BYSL: variants seen among roughly 807,000 people sequenced by gnomAD.
BYSL encodes bystin.
Under a neutral mutation model 45.4 loss-of-function variants are expected in BYSL, and 21 were observed. The ratio of observed to expected loss-of-function variants is 0.46; its 90% confidence interval spans 0.33 to 0.67. BYSL has a LOEUF of 0.67. Ranked by LOEUF, BYSL falls within the 30% of genes least tolerant of loss-of-function variation. The pLI, the probability that BYSL is intolerant of heterozygous loss-of-function variation, is 0.02. For synonymous variants in BYSL, 215 were observed against 231.3 expected (o/e 0.93, Z 0.64); for missense variants, 522 against 578.5 (o/e 0.90, Z 1.00).
chr6:41,921,587 G>C lies in BYSL; in HGVS notation c.25G>C (p.Gly9Arg), dbSNP rs768138610. Reference protein sequence around the residue: MPKFKAARGVGGQEKHAPL... With the variant: MPKFKAARRVGGQEKHAPL... ...AATGCCCAAATTCAAGGCGGCCCGT[G>C]GGGTGGGGGGTCAGGAAAAACATGC... Residue 9 changes from glycine (G) to arginine (R), a missense_variant, in exon 1 of 7, where the codon GGG becomes CGG. Physicochemically the swap from Gly to Arg is moderately radical, Grantham distance 125. Transcript: ENST00000230340. The C allele has an allele frequency of 1.8e-5, 29 of 1,585,426 alleles. No homozygotes were observed. The highest frequency in any genetic ancestry group is 2.3e-5 in the Non-Finnish European group (27 of 1,164,646).
chr6:41,925,513 G>A (rs1399093417), intron 1 of BYSL, among the ~76,000 whole-genome samples: 1 of 151,214 alleles, frequency 6.6e-6, no homozygotes, highest in African/African-American at 2.4e-5. Flanking sequence ...ACAGGCGCCC[G>A]CCACCACACC....
intron 2 of BYSL, among the ~76,000 whole-genome samples, chr6:41,929,826 C>G (rs1310554036): frequency 6.6e-6 from 1 of 152,164 alleles, no homozygotes; most frequent in Non-Finnish European, 1.5e-5. Flanking sequence ...CAAGATCATA[C>G]CAGGGAGTGG....
rs1775473087 is a variant in BYSL at position 41,921,566 on chromosome 6, C to T, written c.4C>T (p.Pro2Ser). 18 of 1,565,048 alleles carry T rather than the reference C, an allele frequency of 1.2e-5. No homozygotes were observed. The highest frequency in any genetic ancestry group is 2.7e-5 in the African/African-American group (2 of 73,328). M[P>S]KFKAARGVGG... ...CCCGGCAACTTTTTCGAGAAAAATGCCCAAATTCAAGGCGGCCCGTGGGGT... is the reference window on the plus strand; with the variant it reads ...CCCGGCAACTTTTTCGAGAAAAATGTCCAAATTCAAGGCGGCCCGTGGGGT... The change falls in exon 1 of 7, where the codon CCC becomes TCC. Residue 2 changes from proline to serine, a missense_variant. Physicochemically the swap from Pro to Ser is moderately conservative, Grantham distance 74. Transcript: ENST00000230340.
the BYSL span, among the ~76,000 whole-genome samples, chr6:41,914,071 T>A: frequency 6.6e-6 from 1 of 152,134 alleles, no homozygotes; most frequent in Non-Finnish European, 1.5e-5. Flanking sequence ...AAGAAATGTA[T>A]ACAGGGAACA....
chr6:41,930,825 A>G, intron 4 of BYSL, 57 bp downstream of exon 4: 2 of 1,565,076 alleles, frequency 1.3e-6, no homozygotes, highest in East Asian at 2.3e-5. Context: ...TGAGTTTGGG[A>G]CGGACAGGCT....
At chr6:41,924,366 C>G (rs993313232) in intron 1 of BYSL, among the ~76,000 whole-genome samples, 2 of 152,172 alleles carry the variant, frequency 1.3e-5, no homozygotes, top group Admixed American at 1.3e-4. Flanking sequence ...CCACTGCACC[C>G]AGCCCATAGT....
the BYSL span, among the ~76,000 whole-genome samples, chr6:41,914,305 G>C: frequency 6.6e-6 from 1 of 152,200 alleles, no homozygotes; most frequent in Non-Finnish European, 1.5e-5. Context: ...GGAACACTGT[G>C]GGCTTCCTTT....
the BYSL span, among the ~76,000 whole-genome samples, chr6:41,910,645 GAAAA>G: frequency 7.0e-6 from 1 of 142,920 alleles, no homozygotes; most frequent in Non-Finnish European, 1.6e-5. Context: ...AAAAAAAAAA[GAAAA>G]AAAAAGGTAA....
chr6:41,930,094 C>A (rs769752113), intron 2 of BYSL, 38 bp from the exon 3 acceptor site: 9 of 1,611,920 alleles, frequency 5.6e-6, no homozygotes, highest in African/African-American at 1.3e-5. Context: ...GTGCTCCTTG[C>A]CCCCTCTCTC....
In BYSL at chr6:41,932,271, A is replaced by AG; in HGVS notation, c.969-89dup. The AG allele has an allele frequency of 7.8e-7, 1 of 1,289,044 alleles. No homozygotes were observed. The highest frequency in any genetic ancestry group is 1.1e-6 in the Non-Finnish European group (1 of 920,502). 79.9% of individuals were successfully genotyped at this position (1,289,044 alleles called of 1,614,324 possible). ...ATAGTGTAAGGGCCAGCAGAGGGGA[A>AG]GAAAAAAAGGGGAAAGCATAGAGGG... is the stretch of plus-strand genomic sequence containing the variant. On this transcript the variant is annotated intron_variant, in intron 6 of 6. Transcript: ENST00000230340. This position sits in a 1 kb window ranked among gnomAD's most constrained non-coding sequence, Gnocchi z 4.7.
upstream of BYSL, chr6:41,921,452 C>G: frequency 7.1e-7 from 1 of 1,404,200 alleles, no homozygotes; most frequent in Non-Finnish European, 9.5e-7. Context: ...TGCTAGGGGG[C>G]GCTGTGATCG....
upstream of BYSL, chr6:41,917,698 T>C: frequency 2.2e-6 from 1 of 461,320 alleles, no homozygotes; most frequent in South Asian, 1.6e-5. Context: ...AATTCAATAA[T>C]GCTGAGTCAT....
At chr6:41,926,595 C>T (rs1775566873) in intron 1 of BYSL, among the ~76,000 whole-genome samples, 1 of 151,482 alleles carries the variant, frequency 6.6e-6, no homozygotes, top group African/African-American at 2.4e-5. Context: ...GGACTACAGG[C>T]GCCCACCACC....
upstream of BYSL, among the ~76,000 whole-genome samples, chr6:41,916,619 C>T (rs947111897): frequency 6.6e-6 from 1 of 152,014 alleles, no homozygotes; most frequent in African/African-American, 2.4e-5. Flanking sequence ...TTTCAAAGGC[C>T]CTATTCTAAG....
intron 2 of BYSL, among the ~76,000 whole-genome samples, chr6:41,928,768 C>T (rs1775597097): frequency 6.6e-6 from 1 of 152,188 alleles, no homozygotes; most frequent in Non-Finnish European, 1.5e-5. Flanking sequence ...TTGACTCTTA[C>T]CCCCACCTGA....
At chr6:41,909,227 C>T in the BYSL span, 3 of 1,586,678 alleles carry the variant, frequency 1.9e-6, no homozygotes, top group Non-Finnish European at 2.6e-6. Flanking sequence ...TGCTAAGCAG[C>T]CCCCTCAGAA....
chr6:41,921,810 G>A lies in BYSL; in HGVS notation c.248G>A (p.Arg83Gln), dbSNP rs1324100319. 5 of 1,611,652 alleles carry A rather than the reference G, an allele frequency of 3.1e-6. No homozygotes were observed. Among genetic ancestry groups the A allele is most frequent in the Non-Finnish European group, 8.5e-7 (1 of 1,179,250 alleles). ...ACTGGGGACAAGCCCGCGGCGCCGC[G>A]GGAACGCACCACGCGGCTGGGTGAG... ...HGTGDKPAAP[R>Q]ERTTRLGPRM... Residue 83 changes from arginine to glutamine, a missense_variant, in exon 1 of 7, where the codon CGG (arginine) becomes CAG (glutamine). By Grantham distance (43) the Arg-to-Gln change is conservative. Transcript: ENST00000230340.
chr6:41,931,887 G>T, intron 6 of BYSL, 57 bp downstream of exon 6: 1 of 1,522,210 alleles, frequency 6.6e-7, no homozygotes, highest in Non-Finnish European at 9.1e-7. Context: ...TAGTGGAATT[G>T]CCAGGACTTG....
Position 41,932,726 on chromosome 6 carries a change from T to G in BYSL, c.*20T>G. Reference sequence around the variant, plus strand: ...GAGTGAGGAAAACAGTCAGCTGTCCTGGCCAAAGGGGTTTGGAAGGACACC... The same window carrying G: ...GAGTGAGGAAAACAGTCAGCTGTCCGGGCCAAAGGGGTTTGGAAGGACACC... On this transcript the variant is annotated 3_prime_UTR_variant, in exon 7 of 7. Coordinates refer to ENST00000230340, the MANE Select transcript of BYSL (RefSeq NM_004053.4). The surrounding 1 kb of genome is among the most constrained non-coding windows in gnomAD (Gnocchi z 4.7). 2 of 1,588,366 alleles carry G rather than the reference T, an allele frequency of 1.3e-6. No individual in the cohort carries two copies. Among genetic ancestry groups the G allele is most frequent in the Non-Finnish European group, 1.7e-6 (2 of 1,164,416 alleles).
Sources: allele counts gnomAD v4.1 joint callset (sites outside exome capture counted in the v4.1 genomes callset), GRCh38; gene constraint gnomAD v4.1.1; non-coding constraint Gnocchi (gnomAD v3.1); transcripts MANE v1.5; gene names NCBI Gene and HGNC (gene_info 2026-07-23, HGNC 2026-07-21).